The following GABRA4 variants were observed in gnomAD, a reference collection of about 807,000 sequenced individuals.
GABRA4 encodes the protein gamma-aminobutyric acid receptor subunit alpha-4.
Under a neutral mutation model 49.7 loss-of-function variants are expected in GABRA4, and 12 were observed. That is an observed-to-expected ratio of 0.24 (90% confidence interval 0.15 to 0.39). GABRA4 has a LOEUF of 0.39. Among genes scored for constraint, GABRA4 ranks in the 10% least tolerant of loss-of-function variants. The probability of loss-of-function intolerance (pLI) is 1.00; values close to 1 mark genes in which losing one functional copy is unlikely to be tolerated. For synonymous variants in GABRA4, 288 were observed against 240.2 expected (o/e 1.20, Z -1.84); for missense variants, 506 against 686.0 (o/e 0.74, Z 2.93).
At chr4:46,977,845 T>A (rs1723200903) in intron 3 of GABRA4, among the ~76,000 whole-genome samples, 1 of 152,054 alleles carries the variant, frequency 6.6e-6, no homozygotes, top group Non-Finnish European at 1.5e-5. Context: ...ATCTTCTACA[T>A]TCATAAGATA....
chr4:46,993,481 T>C lies in GABRA4; in HGVS notation c.-57A>G. The C allele has an allele frequency of 6.4e-7, 1 of 1,566,404 alleles. No homozygotes were observed. The highest frequency in any genetic ancestry group is 8.8e-7 in the Non-Finnish European group (1 of 1,137,468). On this transcript the variant is annotated 5_prime_UTR_variant, in exon 1 of 9. Transcript: ENST00000264318. ...ACGTTTCCAGGCTCTTCAGATGCCC[T>C]GAGCAGGGTGCGAGGAGAGGGCAGA...
chr4:46,953,474 A>G (rs1161696763), intron 8 of GABRA4, among the ~76,000 whole-genome samples: 2 of 152,190 alleles, frequency 1.3e-5, no homozygotes, highest in Non-Finnish European at 2.9e-5. Flanking sequence ...ATGTTGATGC[A>G]CATAAAATAG....
intron 8 of GABRA4, among the ~76,000 whole-genome samples, chr4:46,946,028 C>T (rs190146875): frequency 6.6e-6 from 1 of 152,192 alleles, no homozygotes; most frequent in East Asian, 1.9e-4. Flanking sequence ...AATTTCTGCT[C>T]CACAATAAAA....
rs2109930302 is a variant in GABRA4, at chr4:46,924,576, A to T, written c.*3649T>A. Reference sequence around the variant, plus strand: ...AGCCCAGGAAATCCCAGAAAAGAGAAATAGCCAATATTCTACTGTCTTTAA... The same window carrying T: ...AGCCCAGGAAATCCCAGAAAAGAGATATAGCCAATATTCTACTGTCTTTAA... On this transcript the variant is annotated 3_prime_UTR_variant, in exon 9 of 9. Coordinates refer to ENST00000264318, the MANE Select transcript of GABRA4 (RefSeq NM_000809.4). 6.6e-6 allele frequency: 1 copy of T among 152,232 alleles called. No homozygotes were observed. Among genetic ancestry groups the T allele is most frequent in the East Asian group, 1.9e-4 (1 of 5,186 alleles). 9.4% of individuals were successfully genotyped at this position (152,232 alleles called of 1,614,324 possible). A position where few individuals can be genotyped will look rare whatever the true frequency, so the allele number is the denominator to read the frequency against.
At chr4:46,988,790 A>T (rs998463543) in intron 2 of GABRA4, among the ~76,000 whole-genome samples, 28 of 152,334 alleles carry the variant, frequency 1.8e-4, no homozygotes, top group African/African-American at 6.7e-4. Context: ...TAAACAGGGC[A>T]ATGAAAGAGT....
intron 7 of GABRA4, among the ~76,000 whole-genome samples, chr4:46,969,983 T>G (rs1722893197): frequency 6.6e-6 from 1 of 151,382 alleles, no homozygotes; most frequent in Non-Finnish European, 1.5e-5. Flanking sequence ...GTTTCTCCAG[T>G]ATACTTCCAG....
intron 8 of GABRA4, among the ~76,000 whole-genome samples, chr4:46,959,758 C>CAA (rs67861758): frequency 0.03 from 2,438 of 82,602 alleles, 107 homozygotes; most frequent in African/African-American, 0.1. Context: ...CATCACTTTG[C>CAA]AAAAAAAAAA....
At chr4:46,945,004 T>C (rs970591037) in intron 8 of GABRA4, among the ~76,000 whole-genome samples, 1 of 152,130 alleles carries the variant, frequency 6.6e-6, no homozygotes, top group African/African-American at 2.4e-5. Flanking sequence ...AGTATTAAAA[T>C]AAATCAACAA....
In GABRA4 at chr4:46,974,375, T is replaced by A. The variant is rs960876584; in HGVS notation, c.578A>T (p.Tyr193Phe). The change falls in exon 6 of 9, where the codon TAT becomes TTT. Residue 193 changes from tyrosine to phenylalanine, a missense_variant and splice_region_variant. By Grantham distance (22) the Tyr-to-Phe change is conservative. Coordinates refer to ENST00000264318, the MANE Select transcript of GABRA4 (RefSeq NM_000809.4). The part of the protein sequence containing the change: ...GHACPLKFGS[Y>F]AYPKSEMIYT... ...GATCATCTCACTCTTTGGATAGGCA[T>A]CTAAAAGAGAGCACAGAATGTGGTT... 6.2e-7 allele frequency: 1 copy of A among 1,608,058 alleles called. No individual in the cohort carries two copies. Among genetic ancestry groups the A allele is most frequent in the Non-Finnish European group, 8.5e-7 (1 of 1,176,840 alleles).
intron 8 of GABRA4, among the ~76,000 whole-genome samples, chr4:46,961,444 G>C (rs62303702): frequency 0.12 from 18,322 of 151,696 alleles, 1,774 homozygotes; most frequent in Admixed American, 0.31. Context: ...ATGTTTTTCA[G>C]TATTGTCTGC....
At chr4:46,988,230 C>T (rs1384212854) in intron 2 of GABRA4, among the ~76,000 whole-genome samples, 3 of 152,140 alleles carry the variant, frequency 2.0e-5, no homozygotes, top group African/African-American at 7.2e-5. Context: ...TAGATTATCT[C>T]ATAGCATTTT....
rs537260904 is a variant in GABRA4 at position 46,965,004 on chromosome 4, A to T, written c.1100T>A (p.Val367Glu). The T allele has an allele frequency of 6.2e-7, 1 of 1,611,638 alleles. No homozygotes were observed. The highest frequency in any genetic ancestry group is 1.3e-5 in the African/African-American group (1 of 74,808). ...GGCTTCAGGATGCTTCTCTCTCTGC[A>T]CTGGAGCAGCGGGAACTTCCTGAGG... is the stretch of plus-strand genomic sequence containing the variant. ...KPPQEVPAAPVQREKHPEAPL... is the reference protein window; with the variant it reads ...KPPQEVPAAPEQREKHPEAPL... The change falls in exon 8 of 9, where the codon GTG becomes GAG. Residue 367 changes from valine (V) to glutamate (E), a missense_variant. Transcript: ENST00000264318.
intron 8 of GABRA4, among the ~76,000 whole-genome samples, chr4:46,935,408 G>A (rs1469595953): frequency 6.6e-6 from 1 of 151,998 alleles, no homozygotes; most frequent in African/African-American, 2.4e-5. Context: ...GGATTCAAAC[G>A]AATATTACAT....
intron 3 of GABRA4, among the ~76,000 whole-genome samples, 153 bp from the exon 4 acceptor site, chr4:46,977,783 A>G (rs1205831113): frequency 1.3e-5 from 2 of 152,118 alleles, no homozygotes; most frequent in African/African-American, 4.8e-5. Flanking sequence ...GAATCAATGG[A>G]GCAAAAAGAT....
intron 8 of GABRA4, among the ~76,000 whole-genome samples, chr4:46,957,264 A>T (rs1436079012): frequency 1.2e-5 from 1 of 85,064 alleles, no homozygotes; most frequent in Non-Finnish European, 2.3e-5. Flanking sequence ...CTACAGTTTG[A>T]CTTTGAAGGA....
chr4:46,991,999 A>G (rs927402381), intron 2 of GABRA4, among the ~76,000 whole-genome samples: 49 of 152,204 alleles, frequency 3.2e-4, no homozygotes, highest in African/African-American at 1.2e-3. Flanking sequence ...CAAACCTATG[A>G]ATGGGACCCT....
At chr4:46,956,827 TG>T (rs1722384664) in intron 8 of GABRA4, among the ~76,000 whole-genome samples, 2 of 152,220 alleles carry the variant, frequency 1.3e-5, no homozygotes, top group African/African-American at 4.8e-5. Context: ...TTCCTATAGT[TG>T]GTTCATAACC....
chr4:46,952,140 T>C (rs1229565186), intron 8 of GABRA4, among the ~76,000 whole-genome samples: 1 of 152,060 alleles, frequency 6.6e-6, no homozygotes, highest in Non-Finnish European at 1.5e-5. Context: ...GAAATCTCCA[T>C]ACTGGTCATC....
intron 6 of GABRA4, among the ~76,000 whole-genome samples, chr4:46,972,056 C>T (rs1287766035): frequency 6.6e-6 from 1 of 151,622 alleles, no homozygotes; most frequent in Non-Finnish European, 1.5e-5. Flanking sequence ...CATTCAGAAA[C>T]CTCACATCCT....
Sources: gnomAD v4.1 joint callset for allele counts (sites outside exome capture counted in the v4.1 genomes callset) on GRCh38, gnomAD v4.1.1 for gene constraint, MANE v1.5 for transcripts, NCBI Gene and HGNC (gene_info 2026-07-23, HGNC 2026-07-21) for gene names.